Variants in SESTD1 observed in about 807,000 individuals in gnomAD.
SESTD1 encodes SEC14 and spectrin domain containing 1, also known as SEC14 domain and spectrin repeat-containing protein 1.
SESTD1 carries 43 observed loss-of-function variants against 101.7 expected under a neutral mutation model. That is an observed-to-expected ratio of 0.42 (90% confidence interval 0.33 to 0.55). SESTD1 has a LOEUF of 0.55. Among genes scored for constraint, SESTD1 ranks in the 20% least tolerant of loss-of-function variants. SESTD1 has a pLI of 0.07. For synonymous variants in SESTD1, 283 were observed against 286.8 expected (o/e 0.99, Z 0.13); for missense variants, 647 against 815.1 (o/e 0.79, Z 2.51).
Position 179,123,845 on chromosome 2 carries a change from A to C in SESTD1, c.1168-16T>G. On this transcript the variant is annotated splice_polypyrimidine_tract_variant and intron_variant, in intron 11 of 17. Coordinates refer to ENST00000428443, the MANE Select transcript of SESTD1 (RefSeq NM_178123.5). ...GCTGAGACAACTAAAGCAGAGGGAC[A>C]CCAAAGAGATAACCCTGATGTAATC... The C allele has an allele frequency of 6.4e-7, 1 of 1,571,532 alleles. No homozygotes were observed. Among genetic ancestry groups the C allele is most frequent in the Non-Finnish European group, 8.8e-7 (1 of 1,141,786 alleles).
intron 9 of SESTD1, among the ~76,000 whole-genome samples, chr2:179,135,323 T>G (rs141319144): frequency 6.6e-6 from 1 of 152,240 alleles, no homozygotes; most frequent in Non-Finnish European, 1.5e-5. Flanking sequence ...GATTAGTGAT[T>G]GAATACATTG....
chr2:179,181,587 T>A (rs2046110818), intron 3 of SESTD1, among the ~76,000 whole-genome samples: 1 of 152,118 alleles, frequency 6.6e-6, no homozygotes. Flanking sequence ...AGGCTCTAAA[T>A]TGGTGTCAGG....
intron 17 of SESTD1, among the ~76,000 whole-genome samples, chr2:179,112,068 T>C (rs1471653180): frequency 6.6e-6 from 1 of 152,230 alleles, no homozygotes; most frequent in African/African-American, 2.4e-5. Context: ...CATCAGATTA[T>C]TTCATATTTT....
intron 16 of SESTD1, among the ~76,000 whole-genome samples, chr2:179,113,283 A>T (rs10930855): frequency 0.17 from 25,458 of 152,192 alleles, 2,313 homozygotes; most frequent in South Asian, 0.28. Flanking sequence ...GCATATAGAC[A>T]TTACAAATGA....
intron 1 of SESTD1, among the ~76,000 whole-genome samples, chr2:179,196,686 C>T (rs553238137): frequency 2.0e-5 from 3 of 152,258 alleles, no homozygotes; most frequent in Non-Finnish European, 2.9e-5. Context: ...AGGCACCCCC[C>T]AGAAGGGGCA....
At chr2:179,207,937 AC>A (rs2046609444) in intron 1 of SESTD1, among the ~76,000 whole-genome samples, 2 of 135,096 alleles carry the variant, frequency 1.5e-5, no homozygotes, top group Admixed American at 1.4e-4. Flanking sequence ...TCAAGGAGGC[AC>A]CAGAGAAAGG....
At chr2:179,179,891 T>C (rs2046077329) in intron 3 of SESTD1, among the ~76,000 whole-genome samples, 1 of 152,208 alleles carries the variant, frequency 6.6e-6, no homozygotes, top group East Asian at 1.9e-4. Context: ...CCAGAACATG[T>C]TAAACCTGCT....
At chr2:179,199,993 T>C (rs2046480336) in intron 1 of SESTD1, among the ~76,000 whole-genome samples, 1 of 152,166 alleles carries the variant, frequency 6.6e-6, no homozygotes, top group Admixed American at 6.5e-5. Flanking sequence ...TTGTCCCTGT[T>C]TGCAGACGAC....
rs535469852 is a variant in SESTD1 at position 179,206,889 on chromosome 2, C to T, written c.-25-15023G>A. ...GGGGCAAGGTGGGAGTGAGACTGGC[C>T]TTGCTGACTCTATGGGAGCTGGGTG... On this transcript the variant is annotated intron_variant, in intron 1 of 17. Transcript: ENST00000428443. Among the ~76,000 whole-genome samples, 3 of 133,630 alleles carry T rather than the reference C, an allele frequency of 2.2e-5. 1 individual carries two copies. The East Asian group carries it at 6.0e-4, about 27-fold the overall frequency. 87.7% of individuals were successfully genotyped at this position (133,630 alleles called of 152,430 possible).
chr2:179,167,887 C>T (rs1337018081), intron 5 of SESTD1, among the ~76,000 whole-genome samples: 7 of 152,108 alleles, frequency 4.6e-5, no homozygotes, highest in South Asian at 4.1e-4. Context: ...CTCAGCCTCC[C>T]GAGTAGCTGG....
intron 17 of SESTD1, among the ~76,000 whole-genome samples, chr2:179,112,250 C>T (rs541940907): frequency 1.3e-5 from 2 of 152,224 alleles, no homozygotes; most frequent in Admixed American, 1.3e-4. Flanking sequence ...ATCCTGAGAG[C>T]CTTACTTAAT....
chr2:179,196,377 G>C (rs2046393862), intron 1 of SESTD1, among the ~76,000 whole-genome samples: 1 of 152,226 alleles, frequency 6.6e-6, no homozygotes, highest in Non-Finnish European at 1.5e-5. Context: ...GTGAGGCTGG[G>C]AGAGGGGCGC....
At chr2:179,199,018 C>A (rs900042105) in intron 1 of SESTD1, among the ~76,000 whole-genome samples, 2 of 152,100 alleles carry the variant, frequency 1.3e-5, no homozygotes, top group Non-Finnish European at 2.9e-5. Flanking sequence ...AATCCAGGAC[C>A]TGGTTTTTTG....
At position 179,191,834 on chromosome 2, in the gene SESTD1, G is replaced by A. The variant is rs559354631; in HGVS notation, c.8C>T (p.Ala3Val). 6.2e-7 allele frequency: 1 copy of A among 1,612,104 alleles called. No homozygotes were observed. The highest frequency in any genetic ancestry group is 2.2e-5 in the East Asian group (1 of 44,778). ME[A>V]SVILPILKKK... The stretch of plus-strand genomic sequence containing the variant: ...CTTCAGAATGGGTAATATTACTGAG[G>A]CCTCCATTTTACTCCAGTGAACTTC... Residue 3 changes from alanine (A) to valine (V), a missense_variant, in exon 2 of 18, where the codon GCC (alanine) becomes GTC (valine). Physicochemically the swap from Ala to Val is moderately conservative, Grantham distance 64 (BLOSUM62 0). Transcript: ENST00000428443.
intron 11 of SESTD1, 55 bp from the exon 12 acceptor site, chr2:179,123,884 TTTAATGA>T (rs2044809939): frequency 7.6e-7 from 1 of 1,307,542 alleles, no homozygotes; most frequent in Non-Finnish European, 1.1e-6. Context: ...ATCTAAAGTG[TTTAATGA>T]TTAATGAGGT....
intron 1 of SESTD1, among the ~76,000 whole-genome samples, chr2:179,239,264 C>A: frequency 6.6e-6 from 1 of 151,950 alleles, no homozygotes; most frequent in Non-Finnish European, 1.5e-5. Context: ...GAGAATAATC[C>A]TGAATTCTGT....
intron 9 of SESTD1, among the ~76,000 whole-genome samples, chr2:179,141,197 A>C (rs1257583079): frequency 6.6e-6 from 1 of 152,176 alleles, no homozygotes; most frequent in Admixed American, 6.5e-5. Flanking sequence ...TCTGAAACCA[A>C]ACTCATGATT....
chr2:179,186,765 G>T (rs1472451595), intron 2 of SESTD1, among the ~76,000 whole-genome samples: 3 of 146,146 alleles, frequency 2.1e-5, no homozygotes, highest in Non-Finnish European at 4.4e-5. Flanking sequence ...TTGGCTCACT[G>T]CAAGCTCTGC....
chr2:179,220,160 C>A (rs1250650401), intron 1 of SESTD1, among the ~76,000 whole-genome samples: 1 of 152,114 alleles, frequency 6.6e-6, no homozygotes. Flanking sequence ...TCAAAAACTA[C>A]AATATAAGCC....
Sources: gnomAD v4.1 joint callset for allele counts (sites outside exome capture counted in the v4.1 genomes callset) on GRCh38, gnomAD v4.1.1 for gene constraint, MANE v1.5 for transcripts, NCBI Gene and HGNC (gene_info 2026-07-23, HGNC 2026-07-21) for gene names.